SUFU: variants seen among roughly 807,000 people sequenced by gnomAD.
The protein encoded by SUFU is SUFU negative regulator of hedgehog signaling.
In SUFU, 7 loss-of-function variants were observed where a neutral mutation model predicts 58.9. The observed-to-expected ratio is 0.12, with a 90% CI of 0.07 to 0.22. The LOEUF (loss-of-function observed/expected upper bound fraction) is 0.22, where lower values mean the gene tolerates loss of function less well. SUFU is among the 10% of genes least tolerant of loss of function. SUFU has a pLI of 1.00. For synonymous variants in SUFU, 232 were observed against 254.8 expected (o/e 0.91, Z 0.85); for missense variants, 451 against 641.3 (o/e 0.70, Z 3.20).
intron 3 of SUFU, among the ~76,000 whole-genome samples, chr10:102,570,083 G>T (rs2063144540): frequency 6.6e-6 from 1 of 152,138 alleles, no homozygotes; most frequent in Non-Finnish European, 1.5e-5. Flanking sequence ...ATTTCCAAAT[G>T]TGGATAGGCA....
chr10:102,512,078 T>G (rs1171516718), intron 2 of SUFU, among the ~76,000 whole-genome samples: 1 of 152,206 alleles, frequency 6.6e-6, no homozygotes, highest in African/African-American at 2.4e-5. Flanking sequence ...CCCAACTTCC[T>G]CTTCTCTCTT....
intron 10 of SUFU, among the ~76,000 whole-genome samples, chr10:102,624,796 TGAA>T (rs988534464): frequency 2.6e-5 from 4 of 152,190 alleles, no homozygotes; most frequent in African/African-American, 9.6e-5. Flanking sequence ...TACGTTTCCT[TGAA>T]GAATAACTCT....
chr10:102,620,921 T>C (rs1387847217), intron 10 of SUFU, among the ~76,000 whole-genome samples: 1 of 152,218 alleles, frequency 6.6e-6, no homozygotes, highest in Non-Finnish European at 1.5e-5. Context: ...AATATTGTTT[T>C]AGGCCCCGCA....
At chr10:102,627,989 T>G (rs2063801717) in intron 11 of SUFU, among the ~76,000 whole-genome samples, 1 of 152,158 alleles carries the variant, frequency 6.6e-6, no homozygotes, top group African/African-American at 2.4e-5. Context: ...CAGTGCCCCA[T>G]GGGTTAGTGA....
chr10:102,593,900 C>A, intron 5 of SUFU, 93 bp from the exon 6 acceptor site: 1 of 1,505,210 alleles, frequency 6.6e-7, no homozygotes, highest in South Asian at 1.1e-5. Flanking sequence ...CCCCTGTGTC[C>A]TAGGCCTGGG....
At chr10:102,575,268 T>C (rs541547638) in intron 3 of SUFU, among the ~76,000 whole-genome samples, 1 of 152,314 alleles carries the variant, frequency 6.6e-6, no homozygotes, top group East Asian at 1.9e-4. Context: ...CCATTTTAGT[T>C]GCCAGCCAAG....
intron 3 of SUFU, among the ~76,000 whole-genome samples, chr10:102,567,055 A>G (rs1224318682): frequency 9.1e-5 from 9 of 98,734 alleles, no homozygotes; most frequent in Non-Finnish European, 1.6e-4. Flanking sequence ...TGTGTTGCTC[A>G]GGCTGGAGTG....
intron 8 of SUFU, among the ~76,000 whole-genome samples, chr10:102,607,585 C>A (rs749399462): frequency 2.0e-5 from 3 of 152,182 alleles, no homozygotes; most frequent in East Asian, 1.9e-4. Context: ...AAAAGCTCAT[C>A]TTCCCTAGTG....
At chr10:102,525,898 T>G (rs2062603531) in intron 2 of SUFU, among the ~76,000 whole-genome samples, 1 of 152,212 alleles carries the variant, frequency 6.6e-6, no homozygotes, top group Non-Finnish European at 1.5e-5. Context: ...AGGTTTCTGC[T>G]CTCATGAATC....
chr10:102,595,800 C>G (rs953392827), intron 6 of SUFU, among the ~76,000 whole-genome samples: 2 of 151,832 alleles, frequency 1.3e-5, no homozygotes, highest in African/African-American at 4.8e-5. Flanking sequence ...GGCATATATT[C>G]CTGTGATTCA....
intron 2 of SUFU, among the ~76,000 whole-genome samples, chr10:102,548,212 T>C (rs2062874408): frequency 6.6e-6 from 1 of 152,120 alleles, no homozygotes; most frequent in Non-Finnish European, 1.5e-5. Context: ...CATACATACA[T>C]AGAGTTTGAT....
intron 8 of SUFU, among the ~76,000 whole-genome samples, chr10:102,610,392 C>CAAAAAAA (rs541858690): frequency 0.96 from 119,018 of 123,962 alleles, 57,239 homozygotes; most frequent in South Asian, 0.97. Context: ...GACTCTGTCT[C>CAAAAAAA]AAAAAAAAAA....
In SUFU at chr10:102,619,591, A is replaced by C; in HGVS notation, c.1296+2163A>C. ...ACCCTTGATCACCGAGGGGTTTCTCAGGCCCTTTCCAAGGAGCCCTGGGAA... is the reference window on the plus strand; with the variant it reads ...ACCCTTGATCACCGAGGGGTTTCTCCGGCCCTTTCCAAGGAGCCCTGGGAA... On this transcript the variant is annotated intron_variant, in intron 10 of 11. Coordinates refer to ENST00000369902, the MANE Select transcript of SUFU (RefSeq NM_016169.4). The surrounding 1 kb of genome is among the most constrained non-coding windows in gnomAD (Gnocchi z 4.2). 7.2e-6 allele frequency: 6 copies of C among 831,860 alleles called. No individual in the cohort carries two copies. The highest frequency in any genetic ancestry group is 8.9e-6 in the Non-Finnish European group (6 of 673,114). 51.5% of individuals were successfully genotyped at this position (831,860 alleles called of 1,614,324 possible).
intron 2 of SUFU, 143 bp from the exon 3 acceptor site, chr10:102,549,827 A>G (rs1424434240): frequency 2.8e-6 from 3 of 1,068,328 alleles, no homozygotes; most frequent in South Asian, 2.9e-5. Context: ...CCCTCCCCAC[A>G]AGGCTCACAT....
intron 7 of SUFU, among the ~76,000 whole-genome samples, chr10:102,598,130 A>G (rs2063482341): frequency 6.6e-6 from 1 of 151,584 alleles, no homozygotes; most frequent in South Asian, 2.1e-4. Flanking sequence ...ACAAACTTAA[A>G]CTCCTAGTGC....
At chr10:102,531,860 A>T (rs999838884) in intron 2 of SUFU, among the ~76,000 whole-genome samples, 4 of 152,102 alleles carry the variant, frequency 2.6e-5, no homozygotes, top group Non-Finnish European at 5.9e-5. Context: ...AGTGACTGTT[A>T]GCAGTGACCT....
intron 8 of SUFU, among the ~76,000 whole-genome samples, chr10:102,604,335 T>C (rs1461102446): frequency 1.3e-5 from 2 of 152,178 alleles, no homozygotes; most frequent in Non-Finnish European, 2.9e-5. Context: ...TTCTCAGAAA[T>C]ACATATTTGA....
At chr10:102,531,959 C>CT (rs112325593) in intron 2 of SUFU, among the ~76,000 whole-genome samples, 53,758 of 146,790 alleles carry the variant, frequency 0.37, 9,779 homozygotes, top group African/African-American at 0.41. Flanking sequence ...CCTGTGAGAA[C>CT]TTTTTTTTTT....
At position 102,549,978 on chromosome 10, in the gene SUFU, G is replaced by T. The variant is rs1590018838; in HGVS notation, c.326G>T (p.Gly109Val). The T allele has an allele frequency of 6.2e-7, 1 of 1,614,198 alleles. No individual in the cohort carries two copies. The highest frequency in any genetic ancestry group is 1.1e-5 in the South Asian group (1 of 91,078). ...YGDNRVHEFT[G>V]TDGPSGFGFE... ...CTTTTTATGTCTTTCAGGTTTACAGGAACAGATGGACCTAGTGGTTTTGGC... is the reference window on the plus strand; with the variant it reads ...CTTTTTATGTCTTTCAGGTTTACAGTAACAGATGGACCTAGTGGTTTTGGC... The change falls in exon 3 of 12, where the codon GGA (glycine) becomes GTA (valine). Residue 109 changes from glycine to valine, a missense_variant. Gly to Val is a moderately radical substitution (Grantham distance 109). Coordinates refer to ENST00000369902, the MANE Select transcript of SUFU (RefSeq NM_016169.4).
Sources: allele counts gnomAD v4.1 joint callset (sites outside exome capture counted in the v4.1 genomes callset), GRCh38; gene constraint gnomAD v4.1.1; non-coding constraint Gnocchi (gnomAD v3.1); transcripts MANE v1.5; gene names NCBI Gene and HGNC (gene_info 2026-07-23, HGNC 2026-07-21).